Variants in CCDC85C observed in about 807,000 individuals in gnomAD.
CCDC85C encodes the protein coiled-coil domain containing 85C.
CCDC85C carries 18 observed loss-of-function variants against 38.3 expected under a neutral mutation model. The observed-to-expected ratio is 0.47, with a 90% CI of 0.33 to 0.70. CCDC85C has a LOEUF of 0.70. Among genes scored for constraint, CCDC85C ranks in the 30% least tolerant of loss-of-function variants. The probability of loss-of-function intolerance (pLI) is 0.03; values close to 1 mark genes in which losing one functional copy is unlikely to be tolerated. For missense variants in CCDC85C, 566 were observed against 621.2 expected (o/e 0.91, Z 0.94); for synonymous variants, 264 against 293.8 (o/e 0.90, Z 1.04).
chr14:99,503,188 G>T lies in CCDC85C; in HGVS notation c.*12058C>A. ...GGCTGCCTCTGAGAACCAGGAGGGG[G>T]CTCTCTGCCCGGCTCCAGCCCTGCT... On this transcript the variant is annotated 3_prime_UTR_variant, in exon 6 of 6. Coordinates refer to ENST00000380243, the MANE Select transcript of CCDC85C (RefSeq NM_001144995.2). The T allele has an allele frequency of 1.4e-6, 1 of 715,186 alleles. No homozygotes were observed. Among genetic ancestry groups the T allele is most frequent in the Middle Eastern group, 3.6e-4 (1 of 2,762 alleles). The allele number at this position is 715,186 out of a possible 1,614,324, so 44.3% of individuals were successfully genotyped here.
Position 99,510,620 on chromosome 14 carries a change from C to A in CCDC85C, c.*4626G>T. The A allele has an allele frequency of 7.3e-7, 1 of 1,367,220 alleles. No individual in the cohort carries two copies. The highest frequency in any genetic ancestry group is 9.5e-7 in the Non-Finnish European group (1 of 1,050,774). The allele number at this position is 1,367,220 out of a possible 1,614,324, so 84.7% of individuals were successfully genotyped here. The stretch of plus-strand genomic sequence containing the variant: ...CCCCACCCCCACGCCTCCCGCCTAC[C>A]CACGCAGTCCCCCCTCATCCTCCTC... On this transcript the variant is annotated 3_prime_UTR_variant, in exon 6 of 6. Transcript: ENST00000380243.
chr14:99,510,688 T>C lies in CCDC85C; in HGVS notation c.*4558A>G, dbSNP rs577528220. ...CCAGCCAGCTACCCACCTCCTGCCG[T>C]CCCCCCTGGAGGACAGCCTCCTGTG... On this transcript the variant is annotated 3_prime_UTR_variant, in exon 6 of 6. Coordinates refer to ENST00000380243, the MANE Select transcript of CCDC85C (RefSeq NM_001144995.2). The C allele has an allele frequency of 2.9e-4, 387 of 1,336,996 alleles. 4 individuals carry two copies. Among genetic ancestry groups the C allele is most frequent in the Non-Finnish European group, 5.1e-5 (53 of 1,038,394 alleles). 82.8% of individuals were successfully genotyped at this position (1,336,996 alleles called of 1,614,324 possible).
rs953180240 is a variant in CCDC85C, at chr14:99,604,070, T to C, written c.-111A>G. 1 of 957,894 alleles carries C rather than the reference T, an allele frequency of 1.0e-6. No individual in the cohort carries two copies. Among genetic ancestry groups the C allele is most frequent in the Non-Finnish European group, 1.2e-6 (1 of 812,270 alleles). The allele number at this position is 957,894 out of a possible 1,614,324, so 59.3% of individuals were successfully genotyped here. A position where few individuals can be genotyped will look rare whatever the true frequency, so the allele number is the denominator to read the frequency against. On this transcript the variant is annotated 5_prime_UTR_variant, in exon 1 of 6. Coordinates refer to ENST00000380243, the MANE Select transcript of CCDC85C (RefSeq NM_001144995.2). Reference sequence around the variant, plus strand: ...CGGGCGGGGGGCGGCCGGGGGCGCGTGCGGCCCGCCCCGCGCCGCCTGGCG... The same window carrying C: ...CGGGCGGGGGGCGGCCGGGGGCGCGCGCGGCCCGCCCCGCGCCGCCTGGCG...
Position 99,544,327 on chromosome 14 carries a change from A to G in CCDC85C, c.794-8239T>C, listed in dbSNP as rs555819753. 6.6e-6 allele frequency among the ~76,000 whole-genome samples: 1 copy of G among 152,164 alleles called. No homozygotes were observed. The highest frequency in any genetic ancestry group is 6.5e-5 in the Admixed American group (1 of 15,282). ...CTGGCGCACTGACCCTGGGCCTCTC[A>G]AGACATCATCACCATGGTTGTCAGG... On this transcript the variant is annotated intron_variant, in intron 1 of 5. Coordinates refer to ENST00000380243, the MANE Select transcript of CCDC85C (RefSeq NM_001144995.2). The surrounding 1 kb of genome is among the most constrained non-coding windows in gnomAD (Gnocchi z 5.3).
Position 99,503,777 on chromosome 14 carries a change from C to T in CCDC85C, c.*11469G>A, listed in dbSNP as rs1896902390. ...ACTTTAGAGCTCATACAAAACTTTTCCATCAGCATTGTCTTTCTGTTCATC... is the reference window on the plus strand; with the variant it reads ...ACTTTAGAGCTCATACAAAACTTTTTCATCAGCATTGTCTTTCTGTTCATC... On this transcript the variant is annotated 3_prime_UTR_variant, in exon 6 of 6. Transcript: ENST00000380243. 6 of 707,336 alleles carry T rather than the reference C, an allele frequency of 8.5e-6. No individual in the cohort carries two copies. The highest frequency in any genetic ancestry group is 2.9e-5 in the Admixed American group (1 of 34,874). 43.8% of individuals were successfully genotyped at this position (707,336 alleles called of 1,614,324 possible).
rs534578422 is a variant in CCDC85C at position 99,528,020 on chromosome 14, C to G, written c.868-5780G>C. 1.4e-3 allele frequency among the ~76,000 whole-genome samples: 218 copies of G among 152,274 alleles called. 1 individual carries two copies. Among genetic ancestry groups the G allele is most frequent in the African/African-American group, 5.1e-3 (212 of 41,552 alleles). On this transcript the variant is annotated intron_variant, in intron 2 of 5. Coordinates refer to ENST00000380243, the MANE Select transcript of CCDC85C (RefSeq NM_001144995.2). ...AAAACTGGAAGTTTCGCCAGTAATG[C>G]CAGCTCGAGGAGAGGGCAGATCCCA...
intron 1 of CCDC85C, among the ~76,000 whole-genome samples, chr14:99,552,039 C>A (rs1897921885): frequency 6.6e-6 from 1 of 152,242 alleles, no homozygotes; most frequent in African/African-American, 2.4e-5. Flanking sequence ...TGGTCCCAGA[C>A]AACCTGGAGG....
In CCDC85C at chr14:99,588,587, T is replaced by C. The variant is rs906818601; in HGVS notation, c.793+14580A>G. On this transcript the variant is annotated intron_variant, in intron 1 of 5. Transcript: ENST00000380243. The surrounding 1 kb of genome is among the most constrained non-coding windows in gnomAD (Gnocchi z 5.0). The stretch of plus-strand genomic sequence containing the variant: ...GGCGATGGCGCTGGCCCGGGAGGCC[T>C]GAGGAAGCGAGCTGGGGAGAGGGAA... 6.6e-6 allele frequency among the ~76,000 whole-genome samples: 1 copy of C among 152,028 alleles called. No homozygotes were observed. Among genetic ancestry groups the C allele is most frequent in the Non-Finnish European group, 1.5e-5 (1 of 68,012 alleles).
rs1377381229 is a variant in CCDC85C at position 99,535,608 on chromosome 14, G to A, written c.867+407C>T. On this transcript the variant is annotated intron_variant, in intron 2 of 5. Transcript: ENST00000380243. This position sits in a 1 kb window ranked among gnomAD's most constrained non-coding sequence, Gnocchi z 5.5. ...GGGTGAGGTCGGGCCCAGGAGGGAG[G>A]AGGGGAACCCAGCCCAGGGAGGTAC... Among the ~76,000 whole-genome samples, 4 of 152,164 alleles carry A rather than the reference G, an allele frequency of 2.6e-5. No individual in the cohort carries two copies. The East Asian group carries it at 5.8e-4, about 22-fold the overall frequency.
At position 99,512,057 on chromosome 14, in the gene CCDC85C, T is replaced by TTTATCTA; in HGVS notation, c.*3182_*3188dup. On this transcript the variant is annotated 3_prime_UTR_variant, in exon 6 of 6. Coordinates refer to ENST00000380243, the MANE Select transcript of CCDC85C (RefSeq NM_001144995.2). ...CAGGAGGCTCACAAAGAGGCCTTTA[T>TTTATCTA]TTATCTAGCTCAAAGTAGACACTAT... 6.6e-6 allele frequency: 1 copy of TTTATCTA among 152,382 alleles called. No homozygotes were observed. Among genetic ancestry groups the TTTATCTA allele is most frequent in the East Asian group, 1.9e-4 (1 of 5,188 alleles). The allele number at this position is 152,382 out of a possible 1,614,324, so 9.4% of individuals were successfully genotyped here. A position where few individuals can be genotyped will look rare whatever the true frequency, so the allele number is the denominator to read the frequency against.
intron 2 of CCDC85C, among the ~76,000 whole-genome samples, chr14:99,528,624 G>A (rs757309997): frequency 1.3e-5 from 2 of 152,288 alleles, no homozygotes; most frequent in Middle Eastern, 3.4e-3. Flanking sequence ...GGGGTGCCCC[G>A]GCCTAGAGGC....
At position 99,602,102 on chromosome 14, in the gene CCDC85C, C is replaced by CA. The variant is rs2055205048; in HGVS notation, c.793+1064dup. On this transcript the variant is annotated intron_variant, in intron 1 of 5. Coordinates refer to ENST00000380243, the MANE Select transcript of CCDC85C (RefSeq NM_001144995.2). The stretch of plus-strand genomic sequence containing the variant: ...GAGCTGTTCATTCTCCACCTTCAGG[C>CA]AAAAAGTTCAGGCAGTTGCAACTAC... Among the ~76,000 whole-genome samples, 3 of 152,232 alleles carry CA rather than the reference C, an allele frequency of 2.0e-5. No homozygotes were observed. The South Asian group carries it at 6.2e-4, about 32-fold the overall frequency.
intron 2 of CCDC85C, among the ~76,000 whole-genome samples, chr14:99,525,493 T>G (rs2139904579): frequency 6.6e-6 from 1 of 152,292 alleles, no homozygotes; most frequent in East Asian, 1.9e-4. Flanking sequence ...GGAAGCGCCT[T>G]TCTGGGCTGT....
At position 99,503,582 on chromosome 14, in the gene CCDC85C, T is replaced by G; in HGVS notation, c.*11664A>C. On this transcript the variant is annotated 3_prime_UTR_variant, in exon 6 of 6. Coordinates refer to ENST00000380243, the MANE Select transcript of CCDC85C (RefSeq NM_001144995.2). Reference sequence around the variant, plus strand: ...TTCTCATCATACTCAGGATCCCAGTTAACAATTGTGTATTTTCTTTTGTAA... The same window carrying G: ...TTCTCATCATACTCAGGATCCCAGTGAACAATTGTGTATTTTCTTTTGTAA... The G allele has an allele frequency of 2.6e-6, 4 of 1,547,100 alleles. No individual in the cohort carries two copies. Among genetic ancestry groups the G allele is most frequent in the Non-Finnish European group, 3.5e-6 (4 of 1,142,512 alleles).
intron 3 of CCDC85C, among the ~76,000 whole-genome samples, chr14:99,521,169 G>A (rs973723573): frequency 1.3e-5 from 2 of 152,246 alleles, no homozygotes; most frequent in Admixed American, 6.5e-5. Flanking sequence ...AGCCAGCCCC[G>A]TGAGGGCATC....
In CCDC85C at chr14:99,510,905, T is replaced by G; in HGVS notation, c.*4341A>C. On this transcript the variant is annotated 3_prime_UTR_variant, in exon 6 of 6. Transcript: ENST00000380243. ...CACGACAGTTGCAGTATGGGAAGAA[T>G]GGACCGGGCCCCTGGGATAAAATCA... is the stretch of plus-strand genomic sequence containing the variant. 1.2e-6 allele frequency: 1 copy of G among 848,546 alleles called. No homozygotes were observed. The highest frequency in any genetic ancestry group is 1.6e-6 in the Non-Finnish European group (1 of 624,062). 52.6% of individuals were successfully genotyped at this position (848,546 alleles called of 1,614,324 possible).
Position 99,502,566 on chromosome 14 carries a change from C to A in CCDC85C, c.*12680G>T, listed in dbSNP as rs1896859881. On this transcript the variant is annotated 3_prime_UTR_variant, in exon 6 of 6. Transcript: ENST00000380243. ...ACATACTTTTGGTAAACTAAAAATACACACCAGTGTTGCACACAACGAAGA... is the reference window on the plus strand; with the variant it reads ...ACATACTTTTGGTAAACTAAAAATAAACACCAGTGTTGCACACAACGAAGA... 1 of 1,207,908 alleles carries A rather than the reference C, an allele frequency of 8.3e-7. No individual in the cohort carries two copies. The highest frequency in any genetic ancestry group is 1.1e-6 in the Non-Finnish European group (1 of 874,662). The allele number at this position is 1,207,908 out of a possible 1,614,324, so 74.8% of individuals were successfully genotyped here.
intron 1 of CCDC85C, among the ~76,000 whole-genome samples, chr14:99,589,403 A>G (rs1205292535): frequency 6.6e-6 from 1 of 151,832 alleles, no homozygotes; most frequent in Non-Finnish European, 1.5e-5. Flanking sequence ...ACGTGCATTC[A>G]GTTGTGGAGC....
rs1194373570 is a variant in CCDC85C, at chr14:99,576,126, A to T, written c.793+27041T>A. ...ACATCTTCCTCCATCCCCAAAAAGTAGCCACAATCCCACAAAGAGGGCCAG... is the reference window on the plus strand; with the variant it reads ...ACATCTTCCTCCATCCCCAAAAAGTTGCCACAATCCCACAAAGAGGGCCAG... On this transcript the variant is annotated intron_variant, in intron 1 of 5. Transcript: ENST00000380243. The surrounding 1 kb of genome is among the most constrained non-coding windows in gnomAD (Gnocchi z 4.8). Among the ~76,000 whole-genome samples, 1 of 152,224 alleles carries T rather than the reference A, an allele frequency of 6.6e-6. No individual in the cohort carries two copies. Among genetic ancestry groups the T allele is most frequent in the Admixed American group, 6.5e-5 (1 of 15,274 alleles).
Sources: allele counts gnomAD v4.1 joint callset (sites outside exome capture counted in the v4.1 genomes callset), GRCh38; gene constraint gnomAD v4.1.1; non-coding constraint Gnocchi (gnomAD v3.1); transcripts MANE v1.5; gene names NCBI Gene and HGNC (gene_info 2026-07-23, HGNC 2026-07-21).